ZDHHC14: variants seen among roughly 807,000 people sequenced by gnomAD.
ZDHHC14 encodes the protein palmitoyltransferase ZDHHC14.
In ZDHHC14, 16 loss-of-function variants were observed where a neutral mutation model predicts 47.7. That is an observed-to-expected ratio of 0.34 (90% CI 0.23 to 0.51). ZDHHC14 has a LOEUF of 0.51. Ranked by LOEUF, ZDHHC14 falls within the 20% of genes least tolerant of loss-of-function variation. The pLI is 0.97. For missense variants in ZDHHC14, 515 were observed against 662.5 expected, an observed-to-expected ratio of 0.78 and a Z score of 2.44; for synonymous variants, 293 against 278.9, an observed-to-expected ratio of 1.05 and a Z score of -0.50.
chr6:157,403,346 T>A (rs1003330460), intron 1 of ZDHHC14, among the ~76,000 whole-genome samples: 7 of 152,324 alleles, frequency 4.6e-5, no homozygotes, highest in African/African-American at 1.7e-4. Context: ...TTTTGTGAAA[T>A]TTGTGGTCAT....
intron 1 of ZDHHC14, among the ~76,000 whole-genome samples, chr6:157,447,410 G>A (rs1009344161): frequency 7.2e-5 from 11 of 152,338 alleles, no homozygotes; most frequent in East Asian, 5.8e-4. Context: ...AGCCCCTTAC[G>A]GAGGCTGCAC....
intron 1 of ZDHHC14, among the ~76,000 whole-genome samples, chr6:157,491,003 G>A (rs1478283838): frequency 6.6e-6 from 1 of 152,170 alleles, no homozygotes; most frequent in Non-Finnish European, 1.5e-5. Context: ...GGAAGGGGGA[G>A]GAGGGCAGGG....
At chr6:157,435,541 C>A (rs975003107) in intron 1 of ZDHHC14, among the ~76,000 whole-genome samples, 2 of 152,014 alleles carry the variant, frequency 1.3e-5, no homozygotes, top group African/African-American at 2.4e-5. Context: ...TTCTCTCTCT[C>A]TCTATCTTTT....
rs866814355 is a variant in ZDHHC14, at chr6:157,452,999, A to G, written c.245+70733A>G. Among the ~76,000 whole-genome samples the G allele has an allele frequency of 1.4e-4, 21 of 152,232 alleles. No individual in the cohort carries two copies. In the South Asian group the frequency reaches 1.9e-3, roughly 14 times the overall value. ...TAATCCTTTTTAATAAAGAAAATGC[A>G]GTTGATCCTCCAGAGAAGAGTAATA... On this transcript the variant is annotated intron_variant, in intron 1 of 8. Coordinates refer to ENST00000359775, the MANE Select transcript of ZDHHC14 (RefSeq NM_024630.3).
Position 157,673,262 on chromosome 6 carries a change from C to G in ZDHHC14, c.*140C>G, listed in dbSNP as rs1778892590. 8.5e-7 allele frequency: 1 copy of G among 1,177,210 alleles called. No homozygotes were observed. The highest frequency in any genetic ancestry group is 1.1e-6 in the Non-Finnish European group (1 of 882,558). The allele number at this position is 1,177,210 out of a possible 1,614,324, so 72.9% of individuals were successfully genotyped here. On this transcript the variant is annotated 3_prime_UTR_variant, in exon 9 of 9. Transcript: ENST00000359775. The surrounding 1 kb of genome is among the most constrained non-coding windows in gnomAD (Gnocchi z 5.4). ...CCCCAGGTCTGGGGTACAGAGACCA[C>G]TTAGGATGGCACAGGGTGGCTGGCC...
intron 8 of ZDHHC14, among the ~76,000 whole-genome samples, chr6:157,663,685 C>T (rs1334455287): frequency 1.3e-5 from 2 of 152,168 alleles, no homozygotes; most frequent in Non-Finnish European, 2.9e-5. Flanking sequence ...CTGTGGAAAG[C>T]ACGCAAGCAG....
intron 1 of ZDHHC14, among the ~76,000 whole-genome samples, chr6:157,437,806 A>G (rs915691378): frequency 1.3e-5 from 2 of 152,210 alleles, no homozygotes; most frequent in East Asian, 3.8e-4. Context: ...ATTCTTCCCC[A>G]TATTAAATTA....
intron 1 of ZDHHC14, among the ~76,000 whole-genome samples, chr6:157,472,709 A>G (rs1455668695): frequency 6.6e-6 from 1 of 152,214 alleles, no homozygotes; most frequent in Non-Finnish European, 1.5e-5. Flanking sequence ...GTGACTCCAC[A>G]AACTTACTAC....
At chr6:157,669,129 A>T (rs1393886168) in intron 8 of ZDHHC14, among the ~76,000 whole-genome samples, 1 of 152,236 alleles carries the variant, frequency 6.6e-6, no homozygotes, top group Non-Finnish European at 1.5e-5. Flanking sequence ...AGGTGCACCC[A>T]ACTCTGCATC....
Position 157,593,118 on chromosome 6 carries a change from C to G in ZDHHC14, c.537C>G (p.Ser179=), listed in dbSNP as rs776793486. 37 of 1,613,638 alleles carry G rather than the reference C, an allele frequency of 2.3e-5. No homozygotes were observed. The highest frequency in any genetic ancestry group is 1.6e-4 in the Middle Eastern group (1 of 6,082). Reference sequence around the variant, plus strand: ...AGATTTTCCGGCCCCCTCGCGCCTCCCATTGCAGCCTTTGTGATAACTGCG... The same window carrying G: ...AGATTTTCCGGCCCCCTCGCGCCTCGCATTGCAGCCTTTGTGATAACTGCG... ...TCKIFRPPRA[S]HCSLCDNCVE... Residue 179 remains serine, a synonymous_variant, in exon 3 of 9, where the codon TCC becomes TCG. Coordinates refer to ENST00000359775, the MANE Select transcript of ZDHHC14 (RefSeq NM_024630.3).
At chr6:157,510,774 A>AG (rs922477571) in intron 1 of ZDHHC14, among the ~76,000 whole-genome samples, 1 of 152,132 alleles carries the variant, frequency 6.6e-6, no homozygotes, top group African/African-American at 2.4e-5. Flanking sequence ...CTTCCCAGCA[A>AG]GGGGGGCGTT....
intron 2 of ZDHHC14, among the ~76,000 whole-genome samples, chr6:157,579,293 G>T (rs1237906346): frequency 6.8e-6 from 1 of 146,816 alleles, no homozygotes; most frequent in Admixed American, 7.1e-5. Flanking sequence ...TGCCTCCCGG[G>T]TTCATGCCAT....
chr6:157,504,898 C>T (rs1253276242), intron 1 of ZDHHC14, among the ~76,000 whole-genome samples: 2 of 151,888 alleles, frequency 1.3e-5, no homozygotes, highest in African/African-American at 2.4e-5. Context: ...ACAACCTTTG[C>T]CTCCTGGGTT....
chr6:157,490,817 C>T (rs1045896534), intron 1 of ZDHHC14, among the ~76,000 whole-genome samples: 1 of 152,164 alleles, frequency 6.6e-6, no homozygotes, highest in Non-Finnish European at 1.5e-5. Context: ...AGACTAATGG[C>T]GCAGCTATTG....
At chr6:157,625,155 A>G (rs1261388552) in intron 3 of ZDHHC14, among the ~76,000 whole-genome samples, 1 of 152,114 alleles carries the variant, frequency 6.6e-6, no homozygotes, top group Non-Finnish European at 1.5e-5. Flanking sequence ...TAAGTTTCCA[A>G]CACACGAACT....
intron 1 of ZDHHC14, among the ~76,000 whole-genome samples, chr6:157,465,750 G>C (rs1361269474): frequency 1.3e-5 from 2 of 152,178 alleles, no homozygotes; most frequent in Non-Finnish European, 1.5e-5. Context: ...ACTTGGTAGA[G>C]AGAGGTGGGG....
intron 1 of ZDHHC14, among the ~76,000 whole-genome samples, chr6:157,491,554 T>G (rs241584): frequency 0.22 from 33,078 of 151,042 alleles, 3,845 homozygotes; most frequent in East Asian, 0.38. Context: ...TATAATGAGA[T>G]TATATCGGTT....
intron 1 of ZDHHC14, among the ~76,000 whole-genome samples, chr6:157,410,975 G>A (rs144323092): frequency 0.023 from 3,543 of 152,280 alleles, 154 homozygotes; most frequent in African/African-American, 0.08. Context: ...GATTACAGGC[G>A]TGAGCCACCG....
At chr6:157,596,799 A>G (rs1409267845) in intron 3 of ZDHHC14, among the ~76,000 whole-genome samples, 1 of 152,170 alleles carries the variant, frequency 6.6e-6, no homozygotes, top group Non-Finnish European at 1.5e-5. Flanking sequence ...CCTGCGGCAC[A>G]CTGAGGGGCC....
Sources: allele counts gnomAD v4.1 joint callset (sites outside exome capture counted in the v4.1 genomes callset), GRCh38; gene constraint gnomAD v4.1.1; non-coding constraint Gnocchi (gnomAD v3.1); transcripts MANE v1.5; gene names NCBI Gene and HGNC (gene_info 2026-07-23, HGNC 2026-07-21).